The following MSRA variants were observed in gnomAD, a reference collection of about 807,000 sequenced individuals.
MSRA encodes methionine sulfoxide reductase A, also known as mitochondrial peptide methionine sulfoxide reductase.
In MSRA, 54 loss-of-function variants were observed where a neutral mutation model predicts 31.3. That is an observed-to-expected ratio of 1.73 (90% CI 1.39 to 2.17). The LOEUF (loss-of-function observed/expected upper bound fraction) is 2.17, where lower values mean the gene tolerates loss of function less well. MSRA is among the 30% of genes most tolerant of loss of function. The pLI, the probability that MSRA is intolerant of heterozygous loss-of-function variation, is 0.00. For missense variants in MSRA, 507 were observed against 300.9 expected, an observed-to-expected ratio of 1.69 and a Z score of -5.07; for synonymous variants, 169 against 116.5, an observed-to-expected ratio of 1.45 and a Z score of -2.90.
intron 5 of MSRA, among the ~76,000 whole-genome samples, chr8:10,426,544 T>C (rs1398624262): frequency 1.3e-5 from 2 of 152,210 alleles, no homozygotes; most frequent in African/African-American, 4.8e-5. Flanking sequence ...AGCTTCTTCT[T>C]TTACGTAGCC....
chr8:10,112,612 C>G (rs1800370204), intron 1 of MSRA, among the ~76,000 whole-genome samples: 2 of 152,188 alleles, frequency 1.3e-5, no homozygotes, highest in Non-Finnish European at 2.9e-5. Flanking sequence ...ATTTCTTGAG[C>G]ACCTACTATG....
chr8:10,239,038 C>G (rs1192609210), intron 2 of MSRA, among the ~76,000 whole-genome samples: 1 of 151,996 alleles, frequency 6.6e-6, no homozygotes, highest in Non-Finnish European at 1.5e-5. Context: ...TTGCAACAAA[C>G]CAAGAAAAAT....
At chr8:10,171,818 TAAC>T (rs1286603716) in intron 1 of MSRA, among the ~76,000 whole-genome samples, 2 of 152,244 alleles carry the variant, frequency 1.3e-5, no homozygotes, top group Admixed American at 6.5e-5. Flanking sequence ...ATAATTCTGT[TAAC>T]AACTGCTTGA....
At chr8:10,205,189 A>C (rs1808846920) in intron 1 of MSRA, among the ~76,000 whole-genome samples, 1 of 152,132 alleles carries the variant, frequency 6.6e-6, no homozygotes, top group Non-Finnish European at 1.5e-5. Context: ...AATTGTGGCT[A>C]CCTTGGGAAG....
chr8:10,105,031 T>C (rs1338870546), intron 1 of MSRA, among the ~76,000 whole-genome samples: 1 of 152,214 alleles, frequency 6.6e-6, no homozygotes, highest in African/African-American at 2.4e-5. Context: ...GCTGATTACT[T>C]AGTGAGATTG....
At chr8:10,392,071 C>T (rs931524319) in intron 5 of MSRA, among the ~76,000 whole-genome samples, 5 of 152,180 alleles carry the variant, frequency 3.3e-5, no homozygotes, top group Non-Finnish European at 4.4e-5. Flanking sequence ...TGGACCTCAG[C>T]CTCCCCCACT....
intron 5 of MSRA, among the ~76,000 whole-genome samples, chr8:10,354,272 A>G (rs527613090): frequency 3.9e-5 from 6 of 152,198 alleles, no homozygotes; most frequent in South Asian, 4.1e-4. Context: ...TTGAATTACA[A>G]TGCATCTGCT....
At chr8:10,335,049 A>G (rs1257299857) in intron 5 of MSRA, among the ~76,000 whole-genome samples, 1 of 152,178 alleles carries the variant, frequency 6.6e-6, no homozygotes. Flanking sequence ...GTGCAGGTAG[A>G]GGCCTGGGCA....
intron 1 of MSRA, among the ~76,000 whole-genome samples, chr8:10,102,429 G>T (rs1379164157): frequency 2.0e-5 from 3 of 152,076 alleles, no homozygotes; most frequent in African/African-American, 7.2e-5. Flanking sequence ...TTAGCTCACT[G>T]GGTGAGTTTT....
intron 3 of MSRA, among the ~76,000 whole-genome samples, chr8:10,287,123 A>G (rs148582721): frequency 6.6e-6 from 1 of 152,316 alleles, no homozygotes; most frequent in East Asian, 1.9e-4. Flanking sequence ...TCAGAGATCT[A>G]CTAGTCAAGG....
intron 2 of MSRA, among the ~76,000 whole-genome samples, chr8:10,231,394 G>T (rs1811461198): frequency 6.6e-6 from 1 of 152,216 alleles, no homozygotes; most frequent in African/African-American, 2.4e-5. Context: ...TGAAAACAGA[G>T]ACAGAAGATA....
chr8:10,070,484 G>T (rs1366534808), intron 1 of MSRA, among the ~76,000 whole-genome samples: 1 of 152,166 alleles, frequency 6.6e-6, no homozygotes, highest in Admixed American at 6.5e-5. Flanking sequence ...ACAAACTGTT[G>T]TACTCTGTGG....
At chr8:10,101,401 C>A (rs1210357518) in intron 1 of MSRA, among the ~76,000 whole-genome samples, 1 of 151,650 alleles carries the variant, frequency 6.6e-6, no homozygotes, top group Non-Finnish European at 1.5e-5. Flanking sequence ...CATATTTTAC[C>A]GTCTTAACCA....
chr8:10,323,404 C>T (rs1446976440), intron 5 of MSRA, among the ~76,000 whole-genome samples: 2 of 152,094 alleles, frequency 1.3e-5, no homozygotes, highest in African/African-American at 4.8e-5. Context: ...ATATTAACTG[C>T]CCTCCAGAAT....
At chr8:10,101,515 A>G (rs1487762176) in intron 1 of MSRA, among the ~76,000 whole-genome samples, 1 of 152,188 alleles carries the variant, frequency 6.6e-6, no homozygotes, top group South Asian at 2.1e-4. Flanking sequence ...GTACCCATAA[A>G]CAATAACTTT....
intron 5 of MSRA, among the ~76,000 whole-genome samples, chr8:10,377,687 A>C (rs1055741484): frequency 2.0e-5 from 3 of 152,098 alleles, no homozygotes; most frequent in Admixed American, 2.0e-4. Flanking sequence ...TGTGTCTTTC[A>C]CAGCACTGCA....
intron 1 of MSRA, among the ~76,000 whole-genome samples, chr8:10,192,040 GCCTCC>G (rs1257697364): frequency 8.5e-5 from 13 of 152,164 alleles, no homozygotes; most frequent in Non-Finnish European, 1.9e-4. Flanking sequence ...CTGTTGGCAA[GCCTCC>G]GTTTCCTGCC....
chr8:10,171,921 G>C (rs910655327), intron 1 of MSRA, among the ~76,000 whole-genome samples: 1 of 152,212 alleles, frequency 6.6e-6, no homozygotes, highest in African/African-American at 2.4e-5. Context: ...TAATAGATGA[G>C]AGAATGCACT....
At chr8:10,389,692 A>G (rs1439205128) in intron 5 of MSRA, among the ~76,000 whole-genome samples, 1 of 143,998 alleles carries the variant, frequency 6.9e-6, no homozygotes, top group East Asian at 2.0e-4. Flanking sequence ...TCCTGCCTTC[A>G]TGGGCCTTCC....
Sources: allele counts gnomAD v4.1 joint callset (sites outside exome capture counted in the v4.1 genomes callset), GRCh38; gene constraint gnomAD v4.1.1; transcripts MANE v1.5; gene names NCBI Gene and HGNC (gene_info 2026-07-23, HGNC 2026-07-21).